Variants in FLVCR1 observed in about 807,000 individuals in gnomAD.
FLVCR1 encodes FLVCR choline and heme transporter 1.
Under a neutral mutation model 53.6 loss-of-function variants are expected in FLVCR1, and 34 were observed. That is an observed-to-expected ratio of 0.63 (90% CI 0.48 to 0.84). The LOEUF (loss-of-function observed/expected upper bound fraction) is 0.84, where lower values mean the gene tolerates loss of function less well. FLVCR1 is among the 40% of genes least tolerant of loss of function. The probability of loss-of-function intolerance (pLI) is 0.00; values close to 1 mark genes in which losing one functional copy is unlikely to be tolerated. For synonymous variants in FLVCR1, 300 were observed against 286.3 expected (o/e 1.05, Z -0.48); for missense variants, 677 against 696.7 (o/e 0.97, Z 0.32).
intron 3 of FLVCR1, among the ~76,000 whole-genome samples, chr1:212,882,530 A>C (rs1189359538): frequency 6.6e-6 from 1 of 152,206 alleles, no homozygotes; most frequent in Non-Finnish European, 1.5e-5. Flanking sequence ...AAGTCTGAAA[A>C]ATGAATCTGA....
rs1665025914 is a variant in FLVCR1 at position 212,885,159 on chromosome 1, T to C, written c.1093-134T>C. On this transcript the variant is annotated intron_variant, in intron 4 of 9. Coordinates refer to ENST00000366971, the MANE Select transcript of FLVCR1 (RefSeq NM_014053.4). ...TGCCCTCCCCTCCCACACTGACACA[T>C]GTACTAAATCTTCCTACTGTGTGCT... 3 of 716,798 alleles carry C rather than the reference T, an allele frequency of 4.2e-6. No homozygotes were observed. The East Asian group carries it at 8.0e-5, about 19-fold the overall frequency. The allele number at this position is 716,798 out of a possible 1,614,324, so 44.4% of individuals were successfully genotyped here. A position where few individuals can be genotyped will look rare whatever the true frequency, so the allele number is the denominator to read the frequency against.
At chr1:212,865,958 A>G (rs201933070) in intron 2 of FLVCR1, among the ~76,000 whole-genome samples, 34,426 of 88,996 alleles carry the variant, frequency 0.39, 5,087 homozygotes, top group East Asian at 0.66. Flanking sequence ...GATTACAGGC[A>G]TTTGGCTAAT....
intron 1 of FLVCR1, among the ~76,000 whole-genome samples, chr1:212,859,815 G>A (rs1045363346): frequency 6.6e-6 from 1 of 152,110 alleles, no homozygotes; most frequent in Non-Finnish European, 1.5e-5. Flanking sequence ...ATGCAGTAAC[G>A]AACAAGACTT....
Position 212,895,330 on chromosome 1 carries a change from AATGTGATC to A in FLVCR1, c.*43_*50del. On this transcript the variant is annotated 3_prime_UTR_variant, in exon 10 of 10. Transcript: ENST00000366971. ...TTACTGTCCTGTAGTAATTGGGGAC[AATGTGATC>A]ATCCTTGGAGAGAGATGTGAGCACC... 1 of 1,440,060 alleles carries A rather than the reference AATGTGATC, an allele frequency of 6.9e-7. No individual in the cohort carries two copies. The highest frequency in any genetic ancestry group is 9.8e-7 in the Non-Finnish European group (1 of 1,020,528). 89.2% of individuals were successfully genotyped at this position (1,440,060 alleles called of 1,614,324 possible). A position where few individuals can be genotyped will look rare whatever the true frequency, so the allele number is the denominator to read the frequency against.
chr1:212,861,873 T>C (rs1008770640), intron 1 of FLVCR1, among the ~76,000 whole-genome samples: 1 of 152,218 alleles, frequency 6.6e-6, no homozygotes, highest in African/African-American at 2.4e-5. Context: ...GGTTTCACCA[T>C]GTTAGCCAGG....
At chr1:212,885,546 G>GTCTCTTT (rs2102565914) in intron 5 of FLVCR1, 150 bp downstream of exon 5, 1 of 289,696 alleles carries the variant, frequency 3.5e-6, no homozygotes, top group Non-Finnish European at 6.1e-6. Context: ...CTTAACAAGT[G>GTCTCTTT]TTTCTTTTTT....
At chr1:212,870,189 A>G (rs1215641727) in intron 2 of FLVCR1, 2 of 152,224 alleles carry the variant, frequency 1.3e-5, no homozygotes, top group African/African-American at 2.4e-5. Flanking sequence ...TAAAAAGTAA[A>G]TATTTATGAG....
At position 212,858,789 on chromosome 1, in the gene FLVCR1, A is replaced by T; in HGVS notation, c.337A>T (p.Ile113Phe). Residue 113 changes from isoleucine to phenylalanine, a missense_variant, in exon 1 of 10, where the codon ATC becomes TTC. Transcript: ENST00000366971. Reference sequence around the variant, plus strand: ...CCCGCGGCGCTTCGTGGTGCTCCTGATCTTCAGCCTGTACTCGCTGGTCAA... The same window carrying T: ...CCCGCGGCGCTTCGTGGTGCTCCTGTTCTTCAGCCTGTACTCGCTGGTCAA... ...LSPRRFVVLL[I>F]FSLYSLVNAF... 6.2e-7 allele frequency: 1 copy of T among 1,614,112 alleles called. No homozygotes were observed. Among genetic ancestry groups the T allele is most frequent in the South Asian group, 1.1e-5 (1 of 91,082 alleles).
chr1:212,889,112 T>G (rs1290389538), intron 7 of FLVCR1, 34 bp from the exon 8 acceptor site: 3 of 1,392,638 alleles, frequency 2.2e-6, no homozygotes. Context: ...ATAATTTAAC[T>G]TAATAACGAA....
At chr1:212,886,793 C>T (rs1178085390) in intron 5 of FLVCR1, among the ~76,000 whole-genome samples, 3 of 151,200 alleles carry the variant, frequency 2.0e-5, no homozygotes, top group African/African-American at 7.3e-5. Flanking sequence ...CAGAGCAAGA[C>T]GCTGTCTAAA....
At chr1:212,861,763 G>A (rs916863627) in intron 1 of FLVCR1, among the ~76,000 whole-genome samples, 3 of 151,848 alleles carry the variant, frequency 2.0e-5, no homozygotes, top group Non-Finnish European at 4.4e-5. Context: ...TCTGCCTCCC[G>A]GGTTCATGCC....
intron 3 of FLVCR1, among the ~76,000 whole-genome samples, 193 bp from the exon 4 acceptor site, chr1:212,883,178 T>C (rs1664968435): frequency 6.6e-6 from 1 of 152,230 alleles, no homozygotes; most frequent in African/African-American, 2.4e-5. Context: ...GGTGTTAAAT[T>C]CATTAGTCCA....
At chr1:212,859,815 G>C (rs1045363346) in intron 1 of FLVCR1, among the ~76,000 whole-genome samples, 8 of 152,110 alleles carry the variant, frequency 5.3e-5, no homozygotes, top group African/African-American at 1.9e-4. Context: ...ATGCAGTAAC[G>C]AACAAGACTT....
Position 212,895,236 on chromosome 1 carries a change from A to G in FLVCR1, c.1614A>G (p.Thr538=), listed in dbSNP as rs770041843. 2 of 1,613,312 alleles carry G rather than the reference A, an allele frequency of 1.2e-6. No homozygotes were observed. The highest frequency in any genetic ancestry group is 8.5e-7 in the Non-Finnish European group (1 of 1,179,344). ...DVKAIPADSP[T]DQEPKTVMLS... ...TATAGATACCAGCTGACAGTCCCACAGACCAAGAACCAAAAACGGTTATGT... is the reference window on the plus strand; with the variant it reads ...TATAGATACCAGCTGACAGTCCCACGGACCAAGAACCAAAAACGGTTATGT... Residue 538 remains threonine, a synonymous_variant, in exon 10 of 10, where the codon ACA becomes ACG. Coordinates refer to ENST00000366971, the MANE Select transcript of FLVCR1 (RefSeq NM_014053.4).
chr1:212,886,308 G>T (rs1665063703), intron 5 of FLVCR1, among the ~76,000 whole-genome samples: 1 of 151,964 alleles, frequency 6.6e-6, no homozygotes, highest in African/African-American at 2.4e-5. Context: ...CTCCCAAAGT[G>T]CTGGGATTAC....
At chr1:212,887,763 A>G (rs1665095912) in intron 5 of FLVCR1, 128 bp from the exon 6 acceptor site, 1 of 618,632 alleles carries the variant, frequency 1.6e-6, no homozygotes, top group Non-Finnish European at 2.9e-6. Flanking sequence ...GTGGATACAT[A>G]TTTCCATGGA....
At chr1:212,883,833 A>C (rs1215006371) in intron 4 of FLVCR1, among the ~76,000 whole-genome samples, 2 of 110,222 alleles carry the variant, frequency 1.8e-5, no homozygotes, top group Admixed American at 1.3e-4. Context: ...GGTTGCTATG[A>C]ATCTCCTTTT....
At chr1:212,889,121 A>T (rs1296273178) in intron 7 of FLVCR1, 25 bp from the exon 8 acceptor site, 2 of 1,442,288 alleles carry the variant, frequency 1.4e-6, no homozygotes, top group Non-Finnish European at 2.0e-6. Flanking sequence ...CTTAATAACG[A>T]ATGATTTTTC....
Position 212,883,385 on chromosome 1 carries a change from G to A in FLVCR1, c.1039G>A (p.Ala347Thr). ...TATTATTGTAGGTATCATGACTGGTGCCTTTTATTCAGTCTCAACGTTATT... is the reference window on the plus strand; with the variant it reads ...TATTATTGTAGGTATCATGACTGGTACCTTTTATTCAGTCTCAACGTTATT... ...LLITYGIMTG[A>T]FYSVSTLLNQ... The change falls in exon 4 of 10, where the codon GCC (alanine) becomes ACC (threonine). Residue 347 changes from alanine (A) to threonine (T), a missense_variant. Physicochemically the swap from Ala to Thr is moderately conservative, Grantham distance 58 (BLOSUM62 0). Coordinates refer to ENST00000366971, the MANE Select transcript of FLVCR1 (RefSeq NM_014053.4). The A allele has an allele frequency of 1.3e-6, 2 of 1,550,186 alleles. No individual in the cohort carries two copies. Among genetic ancestry groups the A allele is most frequent in the African/African-American group, 1.4e-5 (1 of 73,854 alleles).
Sources: gnomAD v4.1 joint callset for allele counts (sites outside exome capture counted in the v4.1 genomes callset) on GRCh38, gnomAD v4.1.1 for gene constraint, MANE v1.5 for transcripts, NCBI Gene and HGNC (gene_info 2026-07-23, HGNC 2026-07-21) for gene names.